MDFIC2: variants seen among roughly 807,000 people sequenced by gnomAD.
MDFIC2 encodes MyoD family inhibitor domain containing 2.
chr3:70,292,567 A>G (rs1234469811), intron 2 of MDFIC2, among the ~76,000 whole-genome samples: 1 of 152,136 alleles, frequency 6.6e-6, no homozygotes, highest in Non-Finnish European at 1.5e-5. Context: ...TAAACTTGTA[A>G]GTATTTTTTA....
At chr3:70,251,659 T>C (rs895861261) in intron 2 of MDFIC2, among the ~76,000 whole-genome samples, 1 of 152,202 alleles carries the variant, frequency 6.6e-6, no homozygotes, top group African/African-American at 2.4e-5. Context: ...GCATTGAGAA[T>C]ATTATAATAT....
intron 2 of MDFIC2, among the ~76,000 whole-genome samples, chr3:70,212,858 A>G (rs1454771801): frequency 6.6e-6 from 1 of 151,776 alleles, no homozygotes; most frequent in Non-Finnish European, 1.5e-5. Flanking sequence ...TGGTGGTGCA[A>G]TCACAGTTCA....
intron 2 of MDFIC2, among the ~76,000 whole-genome samples, chr3:70,282,894 T>A (rs190572856): frequency 1.5e-3 from 232 of 152,280 alleles, no homozygotes; most frequent in African/African-American, 5.3e-3. Context: ...TCTGCCAACA[T>A]TCTCTCCCCA....
chr3:70,270,392 G>A (rs1296469132), intron 2 of MDFIC2, among the ~76,000 whole-genome samples: 1 of 152,062 alleles, frequency 6.6e-6, no homozygotes, highest in Non-Finnish European at 1.5e-5. Context: ...AAAAAGAAAA[G>A]AAAAACACAG....
intron 2 of MDFIC2, among the ~76,000 whole-genome samples, chr3:70,224,512 G>A (rs1055026588): frequency 6.6e-6 from 1 of 152,184 alleles, no homozygotes; most frequent in African/African-American, 2.4e-5. Context: ...GTTCTCTGAA[G>A]ATAGGAAAGC....
intron 2 of MDFIC2, among the ~76,000 whole-genome samples, chr3:70,258,524 T>C (rs1018635685): frequency 2.0e-5 from 3 of 152,166 alleles, no homozygotes; most frequent in African/African-American, 4.8e-5. Context: ...TCACATGAGC[T>C]AGTAGAGTCT....
chr3:70,306,418 G>A (rs1322980486), intron 2 of MDFIC2, among the ~76,000 whole-genome samples: 3 of 152,098 alleles, frequency 2.0e-5, no homozygotes, highest in Non-Finnish European at 2.9e-5. Flanking sequence ...GCCAATAATC[G>A]TTTTTATATC....
At chr3:70,306,056 T>C (rs1410541244) in intron 2 of MDFIC2, among the ~76,000 whole-genome samples, 1 of 152,160 alleles carries the variant, frequency 6.6e-6, no homozygotes, top group Non-Finnish European at 1.5e-5. Flanking sequence ...CAACACTAAA[T>C]AAGTTTAGAG....
intron 2 of MDFIC2, among the ~76,000 whole-genome samples, chr3:70,250,006 T>C (rs1384792084): frequency 6.6e-6 from 1 of 152,190 alleles, no homozygotes; most frequent in Non-Finnish European, 1.5e-5. Context: ...GTGTAAAATC[T>C]AGAGAGAAGT....
chr3:70,215,346 C>T (rs1442386097), intron 2 of MDFIC2, among the ~76,000 whole-genome samples: 2 of 152,048 alleles, frequency 1.3e-5, no homozygotes, highest in African/African-American at 2.4e-5. Context: ...GCTTCAGAAA[C>T]GAAGCACTCT....
chr3:70,277,103 C>G (rs1214749078), intron 2 of MDFIC2, among the ~76,000 whole-genome samples: 2 of 152,004 alleles, frequency 1.3e-5, no homozygotes, highest in Non-Finnish European at 2.9e-5. Context: ...GCGTGAGAAA[C>G]ATTGGCTAAG....
Position 70,196,147 on chromosome 3 carries a change from T to C in MDFIC2, c.*779A>G, listed in dbSNP as rs1176471490. The stretch of plus-strand genomic sequence containing the variant: ...AAATGAAGAAAGTGAAGAATTGAGA[T>C]TTTTTTGAAACTTGCACATAATTCT... On this transcript the variant is annotated 3_prime_UTR_variant, in exon 4 of 4. Coordinates refer to ENST00000567252, the MANE Select transcript of MDFIC2 (RefSeq NM_001364677.1). 2.0e-5 allele frequency among the ~76,000 whole-genome samples: 3 copies of C among 152,192 alleles called. No individual in the cohort carries two copies. The highest frequency in any genetic ancestry group is 2.0e-4 in the Admixed American group (3 of 15,282).
chr3:70,250,955 C>T (rs1453290757), intron 2 of MDFIC2, among the ~76,000 whole-genome samples: 1 of 152,144 alleles, frequency 6.6e-6, no homozygotes, highest in Non-Finnish European at 1.5e-5. Context: ...GAAAGACAAA[C>T]TATTAAGTAA....
At chr3:70,220,489 T>G (rs1035045564) in intron 2 of MDFIC2, among the ~76,000 whole-genome samples, 2 of 151,852 alleles carry the variant, frequency 1.3e-5, no homozygotes, top group African/African-American at 2.4e-5. Context: ...ACAGCAAAAA[T>G]TAAGAACTGG....
intron 2 of MDFIC2, among the ~76,000 whole-genome samples, chr3:70,305,521 A>G (rs1702392080): frequency 6.6e-6 from 1 of 152,188 alleles, no homozygotes. Context: ...TTGGATTAAT[A>G]TTTAGTTATT....
intron 2 of MDFIC2, among the ~76,000 whole-genome samples, chr3:70,239,835 G>A (rs994462690): frequency 6.6e-6 from 1 of 152,022 alleles, no homozygotes; most frequent in African/African-American, 2.4e-5. Flanking sequence ...TGAGTCCAGC[G>A]TCTGGCAGAT....
At chr3:70,220,974 G>T (rs1701456604) in intron 2 of MDFIC2, among the ~76,000 whole-genome samples, 1 of 152,166 alleles carries the variant, frequency 6.6e-6, no homozygotes, top group Non-Finnish European at 1.5e-5. Context: ...TTACTAAGTG[G>T]TAGGTAATGA....
intron 2 of MDFIC2, among the ~76,000 whole-genome samples, chr3:70,297,356 A>T (rs954825041): frequency 2.6e-5 from 4 of 152,106 alleles, no homozygotes; most frequent in Non-Finnish European, 5.9e-5. Context: ...AGACCACAAA[A>T]AGAACTGGAT....
At chr3:70,266,305 A>T (rs1575610373) in intron 2 of MDFIC2, among the ~76,000 whole-genome samples, 1 of 152,200 alleles carries the variant, frequency 6.6e-6, no homozygotes, top group East Asian at 1.9e-4. Context: ...TTTAATTCAT[A>T]TAGCTCAACA....
Sources: gnomAD v4.1 joint callset for allele counts (sites outside exome capture counted in the v4.1 genomes callset) on GRCh38, gnomAD v4.1.1 for gene constraint, MANE v1.5 for transcripts, NCBI Gene and HGNC (gene_info 2026-07-23, HGNC 2026-07-21) for gene names.